The following VPS53 variants were observed in gnomAD, a reference collection of about 807,000 sequenced individuals.
VPS53 encodes the protein VPS53 subunit of GARP complex.
Under a neutral mutation model 107.0 loss-of-function variants are expected in VPS53, and 70 were observed. The ratio of observed to expected loss-of-function variants is 0.65; its 90% CI spans 0.54 to 0.80. The LOEUF is 0.80. VPS53 is among the 30% of genes least tolerant of loss of function. The pLI is 0.00. For synonymous variants in VPS53, 409 were observed against 393.3 expected, an observed-to-expected ratio of 1.04 and a Z score of -0.47; for missense variants, 917 against 1,049.4, an observed-to-expected ratio of 0.87 and a Z score of 1.74.
intron 4 of VPS53, among the ~76,000 whole-genome samples, chr17:696,858 T>A (rs1972987653): frequency 7.3e-6 from 1 of 136,480 alleles, no homozygotes; most frequent in Non-Finnish European, 1.5e-5. Flanking sequence ...AGCGGTGCAA[T>A]CTCGCCTCAC....
intron 6 of VPS53, among the ~76,000 whole-genome samples, chr17:655,468 G>C (rs560327895): frequency 3.3e-5 from 5 of 152,058 alleles, no homozygotes; most frequent in African/African-American, 1.2e-4. Context: ...GAGTGAATAT[G>C]GGCCCGCGTC....
intron 11 of VPS53, among the ~76,000 whole-genome samples, chr17:613,395 G>A (rs925855342): frequency 4.0e-5 from 6 of 150,934 alleles, no homozygotes; most frequent in South Asian, 2.1e-4. Flanking sequence ...TAATCAAATA[G>A]TGAATTCACA....
intron 17 of VPS53, chr17:540,480 C>G (rs1302623428): frequency 6.6e-6 from 1 of 152,222 alleles, no homozygotes; most frequent in East Asian, 1.9e-4. Context: ...GCTGGGATTA[C>G]AGGTGTGAGC....
chr17:704,929 C>A (rs1005591799), intron 2 of VPS53, among the ~76,000 whole-genome samples: 11 of 152,154 alleles, frequency 7.2e-5, no homozygotes, highest in Non-Finnish European at 1.5e-4. Flanking sequence ...TCCTAAAATT[C>A]CCCTTTCATA....
At chr17:659,862 C>G (rs186735086) in intron 5 of VPS53, among the ~76,000 whole-genome samples, 14 of 152,272 alleles carry the variant, frequency 9.2e-5, no homozygotes, top group African/African-American at 3.1e-4. Flanking sequence ...CTCTTTATTC[C>G]CAGGATCTCC....
At chr17:618,355 C>T (rs560768998) in intron 11 of VPS53, among the ~76,000 whole-genome samples, 1 of 107,970 alleles carries the variant, frequency 9.3e-6, no homozygotes, top group Non-Finnish European at 2.2e-5. Context: ...GGTGCACCAC[C>T]ACGCCCCACT....
chr17:695,419 A>C (rs1972921899), intron 4 of VPS53, among the ~76,000 whole-genome samples: 1 of 152,226 alleles, frequency 6.6e-6, no homozygotes, highest in Non-Finnish European at 1.5e-5. Flanking sequence ...CAAGCACAAA[A>C]GAGTCTGTAA....
chr17:711,754 A>T (rs1486440656), intron 1 of VPS53, among the ~76,000 whole-genome samples: 3 of 152,046 alleles, frequency 2.0e-5, no homozygotes, highest in African/African-American at 7.2e-5. Context: ...GGTTCCAATG[A>T]TGGAGGAAAA....
At chr17:637,564 A>C (rs1019031132) in intron 7 of VPS53, among the ~76,000 whole-genome samples, 6 of 152,182 alleles carry the variant, frequency 3.9e-5, no homozygotes, top group African/African-American at 1.4e-4. Context: ...TTAGTGTTAT[A>C]AATTTCCCTC....
At chr17:695,121 T>A (rs1437398362) in intron 4 of VPS53, among the ~76,000 whole-genome samples, 1 of 152,202 alleles carries the variant, frequency 6.6e-6, no homozygotes, top group Non-Finnish European at 1.5e-5. Context: ...ACTTGTTCTC[T>A]GGTAAGTCAA....
chr17:643,391 T>C (rs79713353), intron 7 of VPS53, among the ~76,000 whole-genome samples: 83 of 117,740 alleles, frequency 7.0e-4, no homozygotes, highest in Middle Eastern at 6.1e-3. Context: ...ACTTGGCAAC[T>C]GAGGACAATA....
At chr17:541,219 T>C (rs1346875921) in intron 17 of VPS53, among the ~76,000 whole-genome samples, 1 of 152,268 alleles carries the variant, frequency 6.6e-6, no homozygotes, top group South Asian at 2.1e-4. Flanking sequence ...TGGTGGGGCT[T>C]TCACTCCCGC....
At chr17:695,550 T>C (rs74439124) in intron 4 of VPS53, among the ~76,000 whole-genome samples, 6,560 of 151,934 alleles carry the variant, frequency 0.043, 459 homozygotes, top group African/African-American at 0.15. Flanking sequence ...CAAAGGAATT[T>C]GGATTTCTTT....
At chr17:598,047 A>G (rs1483677793) in intron 12 of VPS53, among the ~76,000 whole-genome samples, 1 of 151,060 alleles carries the variant, frequency 6.6e-6, no homozygotes, top group Non-Finnish European at 1.5e-5. Context: ...TACTGCTGCC[A>G]TCTCGGCTCA....
intron 11 of VPS53, among the ~76,000 whole-genome samples, chr17:603,661 A>G (rs1251722607): frequency 6.6e-6 from 1 of 152,182 alleles, no homozygotes; most frequent in Non-Finnish European, 1.5e-5. Context: ...CTGGTGATAA[A>G]CAATATGGTC....
intron 1 of VPS53, among the ~76,000 whole-genome samples, chr17:712,781 C>A (rs1255655234): frequency 1.3e-5 from 2 of 152,154 alleles, no homozygotes; most frequent in Non-Finnish European, 2.9e-5. Flanking sequence ...ACCTGTACCC[C>A]AAAAGCTGTT....
At chr17:669,347 C>A (rs77579773) in intron 4 of VPS53, among the ~76,000 whole-genome samples, 3 of 152,038 alleles carry the variant, frequency 2.0e-5, no homozygotes, top group Non-Finnish European at 2.9e-5. Flanking sequence ...AATCCCAGCA[C>A]GCTGCAAGGC....
chr17:559,150 A>T (rs1013272408), intron 15 of VPS53, among the ~76,000 whole-genome samples: 1 of 152,206 alleles, frequency 6.6e-6, no homozygotes, highest in Non-Finnish European at 1.5e-5. Flanking sequence ...TATGTATGAC[A>T]CTAACAATAA....
intron 10 of VPS53, 100 bp from the exon 11 acceptor site, chr17:623,774 T>C: frequency 1.5e-6 from 2 of 1,299,382 alleles, no homozygotes; most frequent in Non-Finnish European, 2.1e-6. Flanking sequence ...AAAAAAAATG[T>C]ATGTGGTCAT....
Sources: allele counts gnomAD v4.1 joint callset (sites outside exome capture counted in the v4.1 genomes callset), GRCh38; gene constraint gnomAD v4.1.1; transcripts MANE v1.5; gene names NCBI Gene and HGNC (gene_info 2026-07-23, HGNC 2026-07-21).